Variants in DCTN1 observed in about 807,000 individuals in gnomAD.
The protein encoded by DCTN1 is 150 kDa dynein-associated polypeptide.
In DCTN1, 61 loss-of-function variants were observed where a neutral mutation model predicts 161.2. The observed-to-expected ratio is 0.38, with a 90% CI of 0.31 to 0.47. The LOEUF is 0.47. Ranked by LOEUF, DCTN1 falls within the 20% of genes least tolerant of loss-of-function variation. The probability of loss-of-function intolerance (pLI) is 0.99; values close to 1 mark genes in which losing one functional copy is unlikely to be tolerated. For missense variants in DCTN1, 1,404 were observed against 1,623.7 expected (o/e 0.86, Z 2.33); for synonymous variants, 653 against 632.4 (o/e 1.03, Z -0.49).
exon 1 of DCTN1, chr2:74,391,833 C>T (rs1427234883): frequency 4.4e-6 from 2 of 453,946 alleles, no homozygotes; most frequent in Admixed American, 4.7e-5. Flanking sequence ...CCGACCCCAC[C>T]GACGACCGAC....
chr2:74,370,768 C>G lies in DCTN1; in HGVS notation c.901G>C (p.Ala301Pro). The change falls in exon 10 of 32, where the codon GCT (alanine) becomes CCT (proline). Residue 301 changes from alanine (A) to proline (P), a missense_variant. This residue lies in a region of DCTN1 where 67 missense variants were observed against 116.3 expected (regional missense o/e 0.58). Coordinates refer to ENST00000628224, the MANE Select transcript of DCTN1 (RefSeq NM_004082.5). The surrounding 1 kb of genome is among the most constrained non-coding windows in gnomAD (Gnocchi z 4.4). The part of the protein sequence containing the change: ...ERYMEEMADT[A>P]DAIEMATLDK... ...AAAGTGGCCATCTCAATGGCATCAG[C>G]AGTATCAGCCATCTCCTCCATATAG... 6.2e-7 allele frequency: 1 copy of G among 1,614,228 alleles called. No homozygotes were observed. The highest frequency in any genetic ancestry group is 8.5e-7 in the Non-Finnish European group (1 of 1,180,044).
At chr2:74,362,293 C>A in intron 30 of DCTN1, 152 bp from the exon 31 acceptor site, 1 of 693,956 alleles carries the variant, frequency 1.4e-6, no homozygotes, top group Non-Finnish European at 2.5e-6. Context: ...CAACCCCATC[C>A]CCACACCAGC....
rs745458066 is a variant in DCTN1 at position 74,370,235 on chromosome 2, T to C, written c.1238A>G (p.Gln413Arg). 6.2e-6 allele frequency: 10 copies of C among 1,613,918 alleles called. No individual in the cohort carries two copies. The Admixed American group carries it at 1.3e-4, about 22-fold the overall frequency. ...GCTCTCTGCCTGGCTTAGCTCCTCCTGCAGACGCTCCCGCTGTTGCCTCAC... is the reference window on the plus strand; with the variant it reads ...GCTCTCTGCCTGGCTTAGCTCCTCCCGCAGACGCTCCCGCTGTTGCCTCAC... ...EVVRQQRERL[Q>R]EELSQAESTI... The change falls in exon 12 of 32, where the codon CAG becomes CGG. Residue 413 changes from glutamine (Q) to arginine (R), a missense_variant. Physicochemically the swap from Gln to Arg is conservative, Grantham distance 43. Coordinates refer to ENST00000628224, the MANE Select transcript of DCTN1 (RefSeq NM_004082.5). This position sits in a 1 kb window ranked among gnomAD's most constrained non-coding sequence, Gnocchi z 4.4.
rs767903316 is a variant in DCTN1 at position 74,365,165 on chromosome 2, G to A, written c.3106C>T (p.Arg1036Cys). 43 of 1,614,174 alleles carry A rather than the reference G, an allele frequency of 2.7e-5. No homozygotes were observed. Among genetic ancestry groups the A allele is most frequent in the Admixed American group, 1.0e-4 (6 of 60,026 alleles). ...LEAEKAELKQ[R>C]LNSQSKRTIE... ...GTGCGTTTGGACTGGCTGTTCAGAC[G>A]CTGCTTTAGTTCTGCCTTCTCTGCC... is the stretch of plus-strand genomic sequence containing the variant. The change falls in exon 26 of 32, where the codon CGT becomes TGT. Residue 1036 changes from arginine to cysteine, a missense_variant. Physicochemically the swap from Arg to Cys is radical, Grantham distance 180. Transcript: ENST00000628224.
In DCTN1 at chr2:74,367,357, T is replaced by C. The variant is rs1674496330; in HGVS notation, c.2248A>G (p.Ile750Val). The part of the protein sequence containing the change: ...EDCTMQLADH[I>V]KFTQSALDCM... Reference sequence around the variant, plus strand: ...CACTGGCCCAGATACTTCACCTTAATGTGGTCAGCCAGCTGCATAGTACAG... The same window carrying C: ...CACTGGCCCAGATACTTCACCTTAACGTGGTCAGCCAGCTGCATAGTACAG... The change falls in exon 19 of 32, where the codon ATT (isoleucine) becomes GTT (valine). Residue 750 changes from isoleucine to valine, a missense_variant. Ile to Val is a conservative substitution (Grantham distance 29, BLOSUM62 3). Coordinates refer to ENST00000628224, the MANE Select transcript of DCTN1 (RefSeq NM_004082.5). 1 of 1,614,128 alleles carries C rather than the reference T, an allele frequency of 6.2e-7. No individual in the cohort carries two copies. Among genetic ancestry groups the C allele is most frequent in the Non-Finnish European group, 8.5e-7 (1 of 1,180,020 alleles).
intron 27 of DCTN1, 72 bp downstream of exon 27, chr2:74,363,542 T>C: frequency 1.9e-6 from 3 of 1,600,942 alleles, no homozygotes; most frequent in Non-Finnish European, 2.6e-6. Flanking sequence ...AGTCCTGGCT[T>C]CCCCCTCCAC....
At chr2:74,390,714 A>G in intron 1 of DCTN1, 1 of 418,254 alleles carries the variant, frequency 2.4e-6, no homozygotes, top group Admixed American at 2.8e-5. Context: ...CAGCAGCATT[A>G]GCATCACCTG....
At position 74,363,648 on chromosome 2, in the gene DCTN1, T is replaced by TG; in HGVS notation, c.3197-21dup. On this transcript the variant is annotated intron_variant, in intron 26 of 31. Coordinates refer to ENST00000628224, the MANE Select transcript of DCTN1 (RefSeq NM_004082.5). ...GTTCTTCTGTGCTCGGGATAGCCCA[T>TG]GGGGGAGCAGGAAAAGAGGAGAGAG... The TG allele has an allele frequency of 6.2e-7, 1 of 1,613,370 alleles. No individual in the cohort carries two copies. Among genetic ancestry groups the TG allele is most frequent in the African/African-American group, 1.3e-5 (1 of 74,980 alleles).
Position 74,367,759 on chromosome 2 carries a change from G to C in DCTN1, c.2121C>G (p.His707Gln). ...RSLDFLIELL[H>Q]KDQLDETVNV... The stretch of plus-strand genomic sequence containing the variant: ...TGACAGTCTCATCCAGCTGATCCTT[G>C]TGCAGCAGTTCAATGAGGAAATCCA... Residue 707 changes from histidine (H) to glutamine (Q), a missense_variant, in exon 18 of 32, where the codon CAC becomes CAG. Around this residue, in one of 9 missense-constraint regions of DCTN1, gnomAD observed 475 missense variants for 489.8 expected, o/e 0.97. Transcript: ENST00000628224. 2 of 1,614,168 alleles carry C rather than the reference G, an allele frequency of 1.2e-6. No homozygotes were observed. Among genetic ancestry groups the C allele is most frequent in the Admixed American group, 1.7e-5 (1 of 60,022 alleles).
chr2:74,380,711 C>T (rs1009010064), upstream of DCTN1, among the ~76,000 whole-genome samples: 1 of 152,230 alleles, frequency 6.6e-6, no homozygotes, highest in Non-Finnish European at 1.5e-5. Context: ...TTCAATCTCA[C>T]ACTGAGCCAG....
chr2:74,364,466 A>C (rs1296980378), intron 26 of DCTN1: 1 of 169,906 alleles, frequency 5.9e-6, no homozygotes, highest in African/African-American at 2.4e-5. Context: ...AGAGGAGAAC[A>C]AAGACAGCAG....
Position 74,365,117 on chromosome 2 carries a change from G to A in DCTN1, c.3154C>T (p.Pro1052Ser). 6.2e-7 allele frequency: 1 copy of A among 1,614,180 alleles called. No homozygotes were observed. The change falls in exon 26 of 32, where the codon CCT becomes TCT. Residue 1052 changes from proline (P) to serine (S), a missense_variant. Transcript: ENST00000628224. ...ACCAGAGTAGCAATGCCTGAAGGAG[G>A]AGGGCCCCGGAGTCCCTCAATCGTG... ...KRTIEGLRGP[P>S]PSGIATLVSG...
Position 74,370,031 on chromosome 2 carries a change from C to A in DCTN1, c.1326G>T (p.Met442Ile). 1 of 1,614,202 alleles carries A rather than the reference C, an allele frequency of 6.2e-7. No individual in the cohort carries two copies. Among genetic ancestry groups the A allele is most frequent in the Non-Finnish European group, 8.5e-7 (1 of 1,180,046 alleles). The change falls in exon 13 of 32, where the codon ATG becomes ATT. Residue 442 changes from methionine (M) to isoleucine (I), a missense_variant. Met to Ile is a conservative substitution (Grantham distance 10). Coordinates refer to ENST00000628224, the MANE Select transcript of DCTN1 (RefSeq NM_004082.5). This position sits in a 1 kb window ranked among gnomAD's most constrained non-coding sequence, Gnocchi z 4.4. ...AALGAEEMVE[M>I]LTDRNLNLEE... is the part of the protein sequence containing the mutation. ...CCAGATTCAGGTTCCGATCTGTCAGCATCTCCACCATCTCCTCAGCACCCA... is the reference window on the plus strand; with the variant it reads ...CCAGATTCAGGTTCCGATCTGTCAGAATCTCCACCATCTCCTCAGCACCCA...
intron 1 of DCTN1, among the ~76,000 whole-genome samples, chr2:74,389,561 C>A (rs1037212873): frequency 3.3e-5 from 5 of 152,192 alleles, no homozygotes; most frequent in South Asian, 4.1e-4. Context: ...TCCCTAACAA[C>A]TTCTTCTCCT....
intron 5 of DCTN1, 34 bp downstream of exon 5, chr2:74,376,708 C>T: frequency 6.3e-7 from 1 of 1,592,184 alleles, no homozygotes; most frequent in Non-Finnish European, 8.6e-7. Flanking sequence ...CTCATGGCCC[C>T]CATCCACCCA....
chr2:74,371,982 A>C, intron 7 of DCTN1: 20 of 480,464 alleles, frequency 4.2e-5, no homozygotes, highest in Non-Finnish European at 5.0e-5. Context: ...AGATAAGAGA[A>C]AGACATAAGA....
Position 74,370,966 on chromosome 2 carries a change from T to C in DCTN1, c.843+13A>G, listed in dbSNP as rs1354884999. The C allele has an allele frequency of 2.8e-5, 45 of 1,613,526 alleles. No homozygotes were observed. The highest frequency in any genetic ancestry group is 3.3e-5 in the Admixed American group (2 of 60,002). On this transcript the variant is annotated intron_variant, in intron 9 of 31. Transcript: ENST00000628224. The surrounding 1 kb of genome is among the most constrained non-coding windows in gnomAD (Gnocchi z 4.4). The stretch of plus-strand genomic sequence containing the variant: ...CAGGCTGCCCCAGCCACCCCCTTCA[T>C]CCAGAGTCAAACCTTTCTCGCCTCC...
In DCTN1 at chr2:74,366,522, C is replaced by T. The variant is rs1164098624; in HGVS notation, c.2565G>A (p.Leu855=). 1 of 1,614,060 alleles carries T rather than the reference C, an allele frequency of 6.2e-7. No individual in the cohort carries two copies. Among genetic ancestry groups the T allele is most frequent in the Non-Finnish European group, 8.5e-7 (1 of 1,180,020 alleles). The change falls in exon 22 of 32, where the codon CTG becomes CTA. Residue 855 remains leucine, a synonymous_variant. Transcript: ENST00000628224. ...AAAAAQLIAP[L]AENEGLLVAA... is the part of the protein sequence containing the mutation. Reference sequence around the variant, plus strand: ...CCACAAGTAGCCCCTCATTCTCTGCCAGTGGGGCAATGAGCTGGGCAGCAG... The same window carrying T: ...CCACAAGTAGCCCCTCATTCTCTGCTAGTGGGGCAATGAGCTGGGCAGCAG...
Position 74,363,080 on chromosome 2 carries a change from A to G in DCTN1, c.3443T>C (p.Leu1148Pro). 1 of 1,613,936 alleles carries G rather than the reference A, an allele frequency of 6.2e-7. No homozygotes were observed. The highest frequency in any genetic ancestry group is 8.5e-7 in the Non-Finnish European group (1 of 1,179,910). Residue 1148 changes from leucine (L) to proline (P), a missense_variant, in exon 29 of 32, where the codon CTG (leucine) becomes CCG (proline). Around this residue, in one of 9 missense-constraint regions of DCTN1, gnomAD observed 311 missense variants for 298.9 expected, o/e 1.04. Coordinates refer to ENST00000628224, the MANE Select transcript of DCTN1 (RefSeq NM_004082.5). ...GPGSELPAGA[L>P]YRKTSQLLET... is the part of the protein sequence containing the mutation. ...CAGCAGCTGGCTGGTCTTACGATAC[A>G]GCGCTCCAGCTGGTAACTCACTGCC...
Sources: gnomAD v4.1 joint callset for allele counts (sites outside exome capture counted in the v4.1 genomes callset) on GRCh38, gnomAD v4.1.1 for gene constraint, gnomAD v4.1.1 regional missense constraint, Gnocchi (gnomAD v3.1) non-coding constraint, MANE v1.5 for transcripts, NCBI Gene and HGNC (gene_info 2026-07-23, HGNC 2026-07-21) for gene names.